The following VAMP4 variants were observed in gnomAD, a reference collection of about 807,000 sequenced individuals.
VAMP4 encodes vesicle associated membrane protein 4.
Under a neutral mutation model 23.5 loss-of-function variants are expected in VAMP4, and 19 were observed. The ratio of observed to expected loss-of-function variants is 0.81; its 90% CI spans 0.56 to 1.19. VAMP4 has a LOEUF of 1.19. Ranked by LOEUF, VAMP4 falls within the 50% of genes most tolerant of loss-of-function variation. VAMP4 has a pLI of 0.00. For missense variants in VAMP4, 145 were observed against 168.6 expected (o/e 0.86, Z 0.78); for synonymous variants, 31 against 51.0 (o/e 0.61, Z 1.67).
chr1:171,740,989 A>G (rs1228882833), intron 1 of VAMP4, among the ~76,000 whole-genome samples: 4 of 152,208 alleles, frequency 2.6e-5, no homozygotes, highest in Non-Finnish European at 5.9e-5. Context: ...TAGTAGAAAT[A>G]AATCATGCTC....
intron 2 of VAMP4, among the ~76,000 whole-genome samples, chr1:171,730,187 T>C (rs1054923878): frequency 1.4e-4 from 21 of 152,212 alleles, no homozygotes; most frequent in African/African-American, 5.1e-4. Context: ...AATAAATTTG[T>C]GTTGTTTTAA....
rs1654520029 is a variant in VAMP4, at chr1:171,703,415, GTGTTTGTGTGTATATATATATA to G, written c.*1069_*1090del. 4.0e-5 allele frequency: 4 copies of G among 101,146 alleles called. No homozygotes were observed. The highest frequency in any genetic ancestry group is 1.6e-4 in the African/African-American group (4 of 25,742). 6.3% of individuals were successfully genotyped at this position (101,146 alleles called of 1,614,324 possible). Reference sequence around the variant, plus strand: ...TGCGTGTGTGTGTGTGTGTGTGTGTGTGTTTGTGTGTATATATATATATATATATATATATATATATATATAT... The same window carrying G: ...TGCGTGTGTGTGTGTGTGTGTGTGTGTATATATATATATATATATATATAT... On this transcript the variant is annotated 3_prime_UTR_variant, in exon 8 of 8. Coordinates refer to ENST00000236192, the MANE Select transcript of VAMP4 (RefSeq NM_003762.5).
intron 4 of VAMP4, among the ~76,000 whole-genome samples, chr1:171,711,325 G>A (rs1430901297): frequency 6.6e-6 from 1 of 151,900 alleles, no homozygotes; most frequent in Admixed American, 6.6e-5. Flanking sequence ...GGAAATGTAG[G>A]GCATATTCTA....
intron 2 of VAMP4, among the ~76,000 whole-genome samples, chr1:171,731,056 CAAAA>C (rs60267306): frequency 1.3e-5 from 2 of 148,626 alleles, no homozygotes; most frequent in Admixed American, 1.3e-4. Context: ...TACAAAAAAA[CAAAA>C]AAAGAAGAAG....
At position 171,742,058 on chromosome 1, in the gene VAMP4, C is replaced by G. The variant is rs1027830243; in HGVS notation, c.-198G>C. The G allele has an allele frequency of 2.6e-5, 4 of 152,480 alleles. No individual in the cohort carries two copies. Among genetic ancestry groups the G allele is most frequent in the Non-Finnish European group, 5.9e-5 (4 of 68,050 alleles). 9.4% of individuals were successfully genotyped at this position (152,480 alleles called of 1,614,324 possible). ...GGCCGCAGCGCCGCAGCAGCGCCTCCGCTCATCGAGCCGATCGGCGCTCGG... is the reference window on the plus strand; with the variant it reads ...GGCCGCAGCGCCGCAGCAGCGCCTCGGCTCATCGAGCCGATCGGCGCTCGG... On this transcript the variant is annotated 5_prime_UTR_variant, in exon 1 of 8. Transcript: ENST00000236192.
chr1:171,711,033 T>C (rs188828262), intron 4 of VAMP4, among the ~76,000 whole-genome samples: 9 of 152,258 alleles, frequency 5.9e-5, no homozygotes, highest in Non-Finnish European at 1.2e-4. Context: ...TATTTAAAGA[T>C]AGCTTACTTT....
rs1363255900 is a variant in VAMP4 at position 171,704,260 on chromosome 1, T to A, written c.*246A>T. On this transcript the variant is annotated 3_prime_UTR_variant, in exon 8 of 8. Transcript: ENST00000236192. ...GGCAAGTATCTAGTTTCAAATTAGA[T>A]CCTTGAAATATGGAAAAATAGAGGC... The A allele has an allele frequency of 3.4e-6, 1 of 291,612 alleles. No homozygotes were observed. The highest frequency in any genetic ancestry group is 6.4e-6 in the Non-Finnish European group (1 of 155,648). 18.1% of individuals were successfully genotyped at this position (291,612 alleles called of 1,614,324 possible).
In VAMP4 at chr1:171,703,756, G is replaced by C. The variant is rs1654556392; in HGVS notation, c.*750C>G. ...TTGGAGTTTAACAGAAAACAGACTG[G>C]ACCATGACTGGCAGCTATATATTGG... On this transcript the variant is annotated 3_prime_UTR_variant, in exon 8 of 8. Transcript: ENST00000236192. 1 of 151,920 alleles carries C rather than the reference G, an allele frequency of 6.6e-6. No homozygotes were observed. Among genetic ancestry groups the C allele is most frequent in the South Asian group, 2.1e-4 (1 of 4,820 alleles). 9.4% of individuals were successfully genotyped at this position (151,920 alleles called of 1,614,324 possible). A position where few individuals can be genotyped will look rare whatever the true frequency, so the allele number is the denominator to read the frequency against.
At chr1:171,717,620 T>C (rs1305116290) in intron 4 of VAMP4, among the ~76,000 whole-genome samples, 1 of 62,962 alleles carries the variant, frequency 1.6e-5, no homozygotes, top group African/African-American at 9.3e-5. Flanking sequence ...GACCTCCCCT[T>C]TTTTTTTTAA....
chr1:171,704,608 A>G lies in VAMP4; in HGVS notation c.398-74T>C, dbSNP rs906689407. The G allele has an allele frequency of 1.6e-5, 19 of 1,199,528 alleles. No individual in the cohort carries two copies. In the African/African-American group the frequency reaches 2.4e-4, roughly 15 times the overall value. The allele number at this position is 1,199,528 out of a possible 1,614,324, so 74.3% of individuals were successfully genotyped here. Reference sequence around the variant, plus strand: ...TGCTATGTTTGAAGCAATATTCCTAAATGTAGTTGTGTCTACTTTTAGAAA... The same window carrying G: ...TGCTATGTTTGAAGCAATATTCCTAGATGTAGTTGTGTCTACTTTTAGAAA... On this transcript the variant is annotated intron_variant, in intron 7 of 7. Coordinates refer to ENST00000236192, the MANE Select transcript of VAMP4 (RefSeq NM_003762.5).
rs1233080051 is a variant in VAMP4, at chr1:171,701,964, C to CTGAG, written c.*2538_*2541dup. 3.3e-5 allele frequency: 5 copies of CTGAG among 152,112 alleles called. No homozygotes were observed. The highest frequency in any genetic ancestry group is 1.2e-4 in the African/African-American group (5 of 41,450). The allele number at this position is 152,112 out of a possible 1,614,324, so 9.4% of individuals were successfully genotyped here. A position where few individuals can be genotyped will look rare whatever the true frequency, so the allele number is the denominator to read the frequency against. ...GCATCAAAATAGTGACGTGATTTCA[C>CTGAG]TGAGTATCAACTAGTATTTGCAAAG... is the stretch of plus-strand genomic sequence containing the variant. On this transcript the variant is annotated 3_prime_UTR_variant, in exon 8 of 8. Transcript: ENST00000236192.
At chr1:171,709,818 A>G in intron 5 of VAMP4, 74 bp from the exon 6 acceptor site, 1 of 1,196,314 alleles carries the variant, frequency 8.4e-7, no homozygotes, top group Non-Finnish European at 1.2e-6. Flanking sequence ...CACAAAGATA[A>G]GAAAATATTA....
intron 5 of VAMP4, 88 bp downstream of exon 5, chr1:171,710,626 C>A: frequency 9.7e-7 from 1 of 1,025,754 alleles, no homozygotes; most frequent in South Asian, 1.5e-5. Context: ...ATTTCCTAAG[C>A]CAAGATTTGT....
intron 6 of VAMP4, among the ~76,000 whole-genome samples, chr1:171,708,908 C>A (rs1654758338): frequency 1.4e-5 from 2 of 142,384 alleles, no homozygotes; most frequent in African/African-American, 5.2e-5. Flanking sequence ...AGAGTTATTG[C>A]TAAACTTGAA....
In VAMP4 at chr1:171,731,769, A is replaced by C. The variant is rs544427803; in HGVS notation, c.67-3199T>G. Among the ~76,000 whole-genome samples, 22 of 152,330 alleles carry C rather than the reference A, an allele frequency of 1.4e-4. 1 individual carries two copies. The South Asian group carries it at 3.9e-3, about 27-fold the overall frequency. ...TTTGCAAGAAATTCACCTAAAACAA[A>C]TACCAAATAAAGGATGGGGAAAAGC... On this transcript the variant is annotated intron_variant, in intron 2 of 7. Coordinates refer to ENST00000236192, the MANE Select transcript of VAMP4 (RefSeq NM_003762.5).
At chr1:171,720,121 T>C (rs957578433) in intron 3 of VAMP4, among the ~76,000 whole-genome samples, 2 of 151,930 alleles carry the variant, frequency 1.3e-5, no homozygotes, top group African/African-American at 4.8e-5. Flanking sequence ...TTCCTTAAAG[T>C]CTTTTAAGCT....
intron 3 of VAMP4, among the ~76,000 whole-genome samples, chr1:171,725,928 T>G (rs1457951322): frequency 6.6e-6 from 1 of 151,556 alleles, no homozygotes; most frequent in Non-Finnish European, 1.5e-5. Context: ...CCTCAGGTGA[T>G]CCACCTGCCT....
chr1:171,737,366 G>C (rs1217976843), intron 2 of VAMP4, among the ~76,000 whole-genome samples: 4 of 152,088 alleles, frequency 2.6e-5, no homozygotes, highest in Non-Finnish European at 5.9e-5. Flanking sequence ...TATTCTAAAA[G>C]TAATCTGCCT....
intron 3 of VAMP4, among the ~76,000 whole-genome samples, chr1:171,725,426 C>G (rs6678890): frequency 6.6e-6 from 1 of 151,874 alleles, no homozygotes; most frequent in Admixed American, 6.6e-5. Flanking sequence ...CATAATGAGA[C>G]CCTGTCTCAG....
Sources: allele counts gnomAD v4.1 joint callset (sites outside exome capture counted in the v4.1 genomes callset), GRCh38; gene constraint gnomAD v4.1.1; transcripts MANE v1.5; gene names NCBI Gene and HGNC (gene_info 2026-07-23, HGNC 2026-07-21).